The following KIF26B variants were observed in gnomAD, a reference collection of about 807,000 sequenced individuals.
KIF26B encodes kinesin-like protein KIF26B.
KIF26B carries 63 observed loss-of-function variants against 151.2 expected under a neutral mutation model. That is an observed-to-expected ratio of 0.42 (90% CI 0.34 to 0.51). KIF26B has a LOEUF of 0.51. Ranked by LOEUF, KIF26B falls within the 20% of genes least tolerant of loss-of-function variation. The pLI, the probability that KIF26B is intolerant of heterozygous loss-of-function variation, is 0.07. For missense variants in KIF26B, 2,813 were observed against 2,913.6 expected, an observed-to-expected ratio of 0.97 and a Z score of 0.79; for synonymous variants, 1,357 against 1,262.1, an observed-to-expected ratio of 1.08 and a Z score of -1.59.
intron 4 of KIF26B, among the ~76,000 whole-genome samples, chr1:245,496,618 AAG>A (rs1660517971): frequency 6.6e-6 from 1 of 152,204 alleles, no homozygotes. Flanking sequence ...TAATTCAAGA[AAG>A]AAGAGGAAAG....
chr1:245,579,487 G>A (rs1378783547), intron 5 of KIF26B, among the ~76,000 whole-genome samples: 2 of 151,580 alleles, frequency 1.3e-5, no homozygotes, highest in Non-Finnish European at 2.9e-5. Context: ...GACAGAGCTA[G>A]ACTCTGTCTC....
At chr1:245,465,042 G>T (rs1355904631) in intron 4 of KIF26B, among the ~76,000 whole-genome samples, 1 of 141,250 alleles carries the variant, frequency 7.1e-6, no homozygotes, top group Non-Finnish European at 1.5e-5. Context: ...GCAGGGGCGC[G>T]ATCTCGGCTC....
chr1:245,540,643 A>C lies in KIF26B; in HGVS notation c.1167-124A>C. ...GGGACTGCTACAGAGGACACTGAGCAGGAGGAGAGAAGGAATGATTAGGCC... is the reference window on the plus strand; with the variant it reads ...GGGACTGCTACAGAGGACACTGAGCCGGAGGAGAGAAGGAATGATTAGGCC... On this transcript the variant is annotated intron_variant, in intron 4 of 14. Transcript: ENST00000407071. This position sits in a 1 kb window ranked among gnomAD's most constrained non-coding sequence, Gnocchi z 4.6. 1.2e-6 allele frequency: 1 copy of C among 857,258 alleles called. No homozygotes were observed. Among genetic ancestry groups the C allele is most frequent in the Non-Finnish European group, 2.0e-6 (1 of 490,262 alleles). 53.1% of individuals were successfully genotyped at this position (857,258 alleles called of 1,614,324 possible). A position where few individuals can be genotyped will look rare whatever the true frequency, so the allele number is the denominator to read the frequency against.
chr1:245,437,246 T>A (rs1002265763), intron 4 of KIF26B, among the ~76,000 whole-genome samples: 18 of 152,162 alleles, frequency 1.2e-4, no homozygotes, highest in Non-Finnish European at 2.5e-4. Flanking sequence ...GACTCTCAGG[T>A]GGCACTCACC....
chr1:245,672,664 ATT>A (rs917790097), intron 10 of KIF26B, among the ~76,000 whole-genome samples: 2 of 152,092 alleles, frequency 1.3e-5, no homozygotes, highest in African/African-American at 4.8e-5. Flanking sequence ...TGCATAGTCT[ATT>A]TTATTTGGAT....
At chr1:245,457,540 A>G (rs1659563003) in intron 4 of KIF26B, among the ~76,000 whole-genome samples, 1 of 152,220 alleles carries the variant, frequency 6.6e-6, no homozygotes, top group African/African-American at 2.4e-5. Flanking sequence ...AAAGAAATAA[A>G]ACATGACAGA....
At chr1:245,155,737 C>T (rs1397213410) in intron 1 of KIF26B, among the ~76,000 whole-genome samples, 1 of 152,248 alleles carries the variant, frequency 6.6e-6, no homozygotes, top group Admixed American at 6.5e-5. Context: ...TTGCCGCATT[C>T]CTGCACTTCT....
At chr1:245,470,692 A>C (rs867460978) in intron 4 of KIF26B, among the ~76,000 whole-genome samples, 2 of 151,726 alleles carry the variant, frequency 1.3e-5, no homozygotes, top group South Asian at 2.1e-4. Flanking sequence ...GGCCTCCCAA[A>C]GTGCTGGGAT....
At position 245,241,514 on chromosome 1, in the gene KIF26B, G is replaced by A. The variant is rs540672492; in HGVS notation, c.465+84831G>A. Among the ~76,000 whole-genome samples, 2 of 152,314 alleles carry A rather than the reference G, an allele frequency of 1.3e-5. No individual in the cohort carries two copies. Among genetic ancestry groups the A allele is most frequent in the East Asian group, 1.9e-4 (1 of 5,188 alleles). On this transcript the variant is annotated intron_variant, in intron 2 of 14. Transcript: ENST00000407071. The surrounding 1 kb of genome is among the most constrained non-coding windows in gnomAD (Gnocchi z 5.0). Reference sequence around the variant, plus strand: ...GCAGAATCCCAGGACCCCCAAAGTGGGAGAAGGGCTCCCAGGTGCCTTACA... The same window carrying A: ...GCAGAATCCCAGGACCCCCAAAGTGAGAGAAGGGCTCCCAGGTGCCTTACA...
rs759941582 is a variant in KIF26B, at chr1:245,687,296, A to C, written c.4313A>C (p.Glu1438Ala). The change falls in exon 12 of 15, where the codon GAG (glutamate) becomes GCG (alanine). Residue 1438 changes from glutamate (E) to alanine (A), a missense_variant. Physicochemically the swap from Glu to Ala is moderately radical, Grantham distance 107. This residue lies in a region of KIF26B where 2,060 missense variants were observed against 2,088.6 expected (regional missense o/e 0.99). Transcript: ENST00000407071. This position sits in a 1 kb window ranked among gnomAD's most constrained non-coding sequence, Gnocchi z 4.9. ...AGTGCAAAGAAAGAGATGAAATTTG[A>C]GGACCCGTGGCTGAAACGAGAAGAG... Reference protein sequence around the residue: ...ENSAKKEMKFEDPWLKREEEV... With the variant: ...ENSAKKEMKFADPWLKREEEV... The C allele has an allele frequency of 6.8e-6, 11 of 1,607,674 alleles. No homozygotes were observed. In the Admixed American group the frequency reaches 1.9e-4, roughly 27 times the overall value.
At chr1:245,190,990 C>T (rs1461089572) in intron 2 of KIF26B, among the ~76,000 whole-genome samples, 56 of 118,100 alleles carry the variant, frequency 4.7e-4, no homozygotes, top group African/African-American at 1.7e-3. Context: ...ACCTGGGAGG[C>T]GGAGGTTGCA....
At chr1:245,232,628 G>A (rs544665979) in intron 2 of KIF26B, among the ~76,000 whole-genome samples, 1 of 149,120 alleles carries the variant, frequency 6.7e-6, no homozygotes, top group South Asian at 2.2e-4. Flanking sequence ...TCAGCTCACC[G>A]CAACCTCTGC....
At chr1:245,598,808 C>A (rs2043360974) in intron 5 of KIF26B, among the ~76,000 whole-genome samples, 1 of 152,198 alleles carries the variant, frequency 6.6e-6, no homozygotes, top group Admixed American at 6.5e-5. Context: ...GTGGAATAAA[C>A]AAACAGGGCA....
At position 245,687,791 on chromosome 1, in the gene KIF26B, A is replaced by T; in HGVS notation, c.4808A>T (p.Lys1603Met). 1.9e-6 allele frequency: 3 copies of T among 1,589,276 alleles called. No homozygotes were observed. The East Asian group carries it at 7.0e-5, about 37-fold the overall frequency. Residue 1603 changes from lysine to methionine, a missense_variant, in exon 12 of 15, where the codon AAG becomes ATG. This residue lies in a region of KIF26B where 2,060 missense variants were observed against 2,088.6 expected (regional missense o/e 0.99). Coordinates refer to ENST00000407071, the MANE Select transcript of KIF26B (RefSeq NM_018012.4). The surrounding 1 kb of genome is among the most constrained non-coding windows in gnomAD (Gnocchi z 4.9). The stretch of plus-strand genomic sequence containing the variant: ...ACTCCCCCTCTGCCCCCTGTCCGAA[A>T]GTCCAGCCTGGACCAGAAGAACCGG... Reference protein sequence around the residue: ...KGTPPLPPVRKSSLDQKNRAS... With the variant: ...KGTPPLPPVRMSSLDQKNRAS...
At chr1:245,557,191 C>T (rs988143864) in intron 5 of KIF26B, among the ~76,000 whole-genome samples, 3 of 152,284 alleles carry the variant, frequency 2.0e-5, no homozygotes, top group African/African-American at 7.2e-5. Flanking sequence ...TAGAACTTTC[C>T]AAATAAGTTG....
chr1:245,653,788 A>G (rs2044045287), intron 10 of KIF26B, among the ~76,000 whole-genome samples: 1 of 152,208 alleles, frequency 6.6e-6, no homozygotes, highest in Non-Finnish European at 1.5e-5. Context: ...GTCTGGGCAC[A>G]GTGGTTCACA....
At chr1:245,700,773 G>T (rs1423320349) in intron 14 of KIF26B, among the ~76,000 whole-genome samples, 2 of 152,216 alleles carry the variant, frequency 1.3e-5, no homozygotes, top group Non-Finnish European at 2.9e-5. Flanking sequence ...CATCGAAGGC[G>T]CTAATGGGGA....
Position 245,688,579 on chromosome 1 carries a change from G to A in KIF26B, c.5596G>A (p.Gly1866Ser). 6.4e-7 allele frequency: 1 copy of A among 1,566,504 alleles called. No homozygotes were observed. Among genetic ancestry groups the A allele is most frequent in the Non-Finnish European group, 8.6e-7 (1 of 1,159,292 alleles). Residue 1866 changes from glycine (G) to serine (S), a missense_variant, in exon 12 of 15, where the codon GGC (glycine) becomes AGC (serine). Physicochemically the swap from Gly to Ser is moderately conservative, Grantham distance 56. This residue lies in a region of KIF26B where 2,060 missense variants were observed against 2,088.6 expected (regional missense o/e 0.99). Coordinates refer to ENST00000407071, the MANE Select transcript of KIF26B (RefSeq NM_018012.4). ...PPRRPHRCSS[G>S]HGSDNSSVLS... ...GCGGAGGCCCCACCGCTGCAGCAGC[G>A]GCCACGGCAGCGACAACAGCAGCGT...
chr1:245,404,144 G>A (rs1674076660), intron 3 of KIF26B, among the ~76,000 whole-genome samples: 1 of 151,876 alleles, frequency 6.6e-6, no homozygotes, highest in Non-Finnish European at 1.5e-5. Context: ...CTGAGGTGTT[G>A]TTGCTGCTTT....
Sources: gnomAD v4.1 joint callset for allele counts (sites outside exome capture counted in the v4.1 genomes callset) on GRCh38, gnomAD v4.1.1 for gene constraint, gnomAD v4.1.1 regional missense constraint, Gnocchi (gnomAD v3.1) non-coding constraint, MANE v1.5 for transcripts, NCBI Gene and HGNC (gene_info 2026-07-23, HGNC 2026-07-21) for gene names.